Variants in IMPA2 observed in about 807,000 individuals in gnomAD.
The protein encoded by IMPA2 is inositol monophosphatase 2.
In IMPA2, 32 loss-of-function variants were observed where a neutral mutation model predicts 35.1. The observed-to-expected ratio is 0.91, with a 90% CI of 0.69 to 1.23. IMPA2 has a LOEUF of 1.23. Among genes scored for constraint, IMPA2 ranks in the 50% most tolerant of loss-of-function variants. The pLI is 0.00. For synonymous variants in IMPA2, 135 were observed against 160.6 expected, an observed-to-expected ratio of 0.84 and a Z score of 1.20; for missense variants, 334 against 387.6, an observed-to-expected ratio of 0.86 and a Z score of 1.16.
chr18:12,002,264 T>G (rs778435124), intron 2 of IMPA2, among the ~76,000 whole-genome samples: 3 of 152,206 alleles, frequency 2.0e-5, no homozygotes, highest in Non-Finnish European at 4.4e-5. Flanking sequence ...TTGCCTCTCA[T>G]CCTCCTTTAG....
intron 1 of IMPA2, among the ~76,000 whole-genome samples, chr18:11,983,013 A>C (rs554381451): frequency 6.6e-6 from 1 of 152,254 alleles, no homozygotes; most frequent in South Asian, 2.1e-4. Context: ...CTTGGTGCAA[A>C]TCCTCTAATC....
intron 1 of IMPA2, among the ~76,000 whole-genome samples, chr18:11,996,999 AACAC>A (rs544635466): frequency 5.9e-4 from 89 of 150,090 alleles, no homozygotes; most frequent in Non-Finnish European, 9.8e-4. Context: ...ACACCACAGC[AACAC>A]ACACACACAC....
chr18:11,992,587 GGCC>G (rs1293531658), intron 1 of IMPA2, among the ~76,000 whole-genome samples: 55 of 152,042 alleles, frequency 3.6e-4, no homozygotes, highest in Admixed American at 3.6e-3. Context: ...AGTGACTTCA[GGCC>G]CATATTTTAT....
chr18:12,029,341 C>T (rs1238914377), intron 7 of IMPA2, among the ~76,000 whole-genome samples: 2 of 151,890 alleles, frequency 1.3e-5, no homozygotes, highest in Non-Finnish European at 2.9e-5. Flanking sequence ...CTCTTGATCT[C>T]CTGACCTCGT....
At chr18:11,984,428 T>G (rs1906596880) in intron 1 of IMPA2, among the ~76,000 whole-genome samples, 1 of 152,250 alleles carries the variant, frequency 6.6e-6, no homozygotes, top group African/African-American at 2.4e-5. Context: ...TTGTCATCTT[T>G]TGTGTGATGT....
chr18:12,008,821 G>T (rs1907351589), intron 2 of IMPA2, among the ~76,000 whole-genome samples: 1 of 152,196 alleles, frequency 6.6e-6, no homozygotes, highest in African/African-American at 2.4e-5. Context: ...TCTCGGTCAG[G>T]TTCCTAGCAG....
In IMPA2 at chr18:12,007,552, C is replaced by T. The variant is rs1033536283; in HGVS notation, c.231-2331C>T. Among the ~76,000 whole-genome samples, 16 of 151,218 alleles carry T rather than the reference C, an allele frequency of 1.1e-4. 1 individual carries two copies. Among genetic ancestry groups the T allele is most frequent in the African/African-American group, 3.4e-4 (14 of 40,942 alleles). ...ATACACCAAACACCAGAACATGGGA[C>T]GCTTCTTTCTTTCTTTCCTTCTTTT... is the stretch of plus-strand genomic sequence containing the variant. On this transcript the variant is annotated intron_variant, in intron 2 of 7. Coordinates refer to ENST00000269159, the MANE Select transcript of IMPA2 (RefSeq NM_014214.3).
intron 1 of IMPA2, among the ~76,000 whole-genome samples, chr18:11,989,517 TG>T (rs1040835027): frequency 2.0e-5 from 3 of 152,110 alleles, no homozygotes; most frequent in African/African-American, 7.2e-5. Context: ...GTCCCTTTGG[TG>T]GGGTGGGGGT....
intron 6 of IMPA2, 68 bp downstream of exon 6, chr18:12,028,219 A>C: frequency 9.6e-7 from 1 of 1,036,952 alleles, no homozygotes; most frequent in Non-Finnish European, 1.5e-6. Flanking sequence ...ACTTGCTAAA[A>C]CTCCCCTGGG....
intron 1 of IMPA2, among the ~76,000 whole-genome samples, chr18:11,983,374 T>C (rs1425185784): frequency 6.6e-6 from 1 of 152,204 alleles, no homozygotes; most frequent in Admixed American, 6.5e-5. Context: ...ACTGTAAAAC[T>C]TTTCTTCCTT....
chr18:11,997,454 C>T (rs562962854), intron 1 of IMPA2, among the ~76,000 whole-genome samples: 1 of 152,222 alleles, frequency 6.6e-6, no homozygotes, highest in African/African-American at 2.4e-5. Context: ...TATGACCTAT[C>T]ACATTCTGAA....
At chr18:12,013,278 C>T (rs900501323) in intron 4 of IMPA2, among the ~76,000 whole-genome samples, 12 of 152,162 alleles carry the variant, frequency 7.9e-5, no homozygotes, top group African/African-American at 2.9e-4. Flanking sequence ...TCTTCACAGG[C>T]CTCAGGAACC....
At chr18:12,026,384 A>G (rs1431160254) in intron 5 of IMPA2, among the ~76,000 whole-genome samples, 1 of 152,224 alleles carries the variant, frequency 6.6e-6, no homozygotes, top group Non-Finnish European at 1.5e-5. Flanking sequence ...GTTTACCCCC[A>G]AAATCAGTAT....
At chr18:12,023,353 G>A (rs1174059876) in intron 5 of IMPA2, among the ~76,000 whole-genome samples, 2 of 152,296 alleles carry the variant, frequency 1.3e-5, no homozygotes. Context: ...GTTGCACGGG[G>A]CAGTGGCACG....
intron 7 of IMPA2, among the ~76,000 whole-genome samples, chr18:12,029,722 C>T (rs746231670): frequency 2.6e-5 from 4 of 152,156 alleles, no homozygotes; most frequent in Non-Finnish European, 4.4e-5. Flanking sequence ...TGCCCGGCCT[C>T]CATTCCATAT....
In IMPA2 at chr18:12,011,438, G is replaced by T. The variant is rs570030724; in HGVS notation, c.336-732G>T. 6.0e-4 allele frequency among the ~76,000 whole-genome samples: 92 copies of T among 152,362 alleles called. 3 individuals carry two copies. The highest frequency in any genetic ancestry group is 5.9e-3 in the Admixed American group (90 of 15,306). Reference sequence around the variant, plus strand: ...GAACAAGCGTGAGGCCTGGCACATGGTGCATTTGCTCTGGAAGCCAGCGGC... The same window carrying T: ...GAACAAGCGTGAGGCCTGGCACATGTTGCATTTGCTCTGGAAGCCAGCGGC... On this transcript the variant is annotated intron_variant, in intron 3 of 7. Transcript: ENST00000269159.
chr18:12,010,038 T>G lies in IMPA2; in HGVS notation c.335+51T>G. 3 of 1,388,410 alleles carry G rather than the reference T, an allele frequency of 2.2e-6. No individual in the cohort carries two copies. Among genetic ancestry groups the G allele is most frequent in the Non-Finnish European group, 3.1e-6 (3 of 980,512 alleles). 86.0% of individuals were successfully genotyped at this position (1,388,410 alleles called of 1,614,324 possible). On this transcript the variant is annotated intron_variant, in intron 3 of 7. Transcript: ENST00000269159. This position sits in a 1 kb window ranked among gnomAD's most constrained non-coding sequence, Gnocchi z 4.8. ...TTGCAGGGCTTAACATGTCCTCTTCTGTGAGGTTTTGTCTTTTCAAAAGCA... is the reference window on the plus strand; with the variant it reads ...TTGCAGGGCTTAACATGTCCTCTTCGGTGAGGTTTTGTCTTTTCAAAAGCA...
chr18:11,985,185 T>C (rs1170757276), intron 1 of IMPA2, among the ~76,000 whole-genome samples: 1 of 148,968 alleles, frequency 6.7e-6, no homozygotes, highest in African/African-American at 2.5e-5. Flanking sequence ...AATACAAAAT[T>C]ACAAATTCAA....
chr18:11,990,047 G>C (rs1906770280), intron 1 of IMPA2, among the ~76,000 whole-genome samples: 1 of 152,186 alleles, frequency 6.6e-6, no homozygotes, highest in South Asian at 2.1e-4. Flanking sequence ...TGGGCCCAGT[G>C]GAGACAGGAG....
Sources: gnomAD v4.1 joint callset for allele counts (sites outside exome capture counted in the v4.1 genomes callset) on GRCh38, gnomAD v4.1.1 for gene constraint, Gnocchi (gnomAD v3.1) non-coding constraint, MANE v1.5 for transcripts, NCBI Gene and HGNC (gene_info 2026-07-23, HGNC 2026-07-21) for gene names.